The following USH2A variants were observed in gnomAD, a reference collection of about 807,000 sequenced individuals.
USH2A encodes the protein Usher syndrome 2A (autosomal recessive, mild).
In USH2A, 443 loss-of-function variants were observed where a neutral mutation model predicts 538.9. That is an observed-to-expected ratio of 0.82 (90% confidence interval 0.76 to 0.89). USH2A has a LOEUF of 0.89. USH2A is among the 40% of genes least tolerant of loss of function. The pLI, the probability that USH2A is intolerant of heterozygous loss-of-function variation, is 0.00. For missense variants in USH2A, 6,633 were observed against 6,324.8 expected (o/e 1.05, Z -1.65); for synonymous variants, 2,413 against 2,273.5 (o/e 1.06, Z -1.75).
intron 55 of USH2A, among the ~76,000 whole-genome samples, chr1:215,770,362 A>C (rs1661243675): frequency 6.6e-6 from 1 of 152,172 alleles, no homozygotes; most frequent in East Asian, 1.9e-4. Flanking sequence ...ATTAAAATTA[A>C]TATTATTTTA....
intron 21 of USH2A, among the ~76,000 whole-genome samples, chr1:216,134,925 C>T (rs1304776858): frequency 6.6e-6 from 1 of 151,976 alleles, no homozygotes; most frequent in East Asian, 1.9e-4. Flanking sequence ...AAGCATATGA[C>T]TCTAAATGAT....
intron 56 of USH2A, 47 bp from the exon 57 acceptor site, chr1:215,759,890 C>T (rs1252455305): frequency 1.2e-6 from 2 of 1,610,582 alleles, no homozygotes; most frequent in East Asian, 4.5e-5. Context: ...AGAAAATAAA[C>T]AGTGTATCAA....
At chr1:216,332,756 T>C (rs1162857064) in intron 4 of USH2A, among the ~76,000 whole-genome samples, 1 of 152,084 alleles carries the variant, frequency 6.6e-6, no homozygotes, top group East Asian at 1.9e-4. Flanking sequence ...TTATCACATA[T>C]GACAAAGAAA....
chr1:216,119,460 A>T (rs1359291), intron 21 of USH2A, among the ~76,000 whole-genome samples: 53,223 of 151,266 alleles, frequency 0.35, 10,314 homozygotes, highest in East Asian at 0.73. Context: ...TATGGTATAC[A>T]TAACAATATA....
At chr1:216,116,832 A>G (rs1456522197) in intron 21 of USH2A, among the ~76,000 whole-genome samples, 1 of 145,552 alleles carries the variant, frequency 6.9e-6, no homozygotes, top group East Asian at 1.9e-4. Context: ...TGACAGAAGG[A>G]AAAAAAAAGC....
At chr1:215,918,954 A>T (rs977661370) in intron 38 of USH2A, among the ~76,000 whole-genome samples, 3 of 152,040 alleles carry the variant, frequency 2.0e-5, no homozygotes, top group Admixed American at 6.6e-5. Flanking sequence ...TTATGAACCT[A>T]GGGGGATTTA....
At chr1:216,091,496 G>GT (rs1490646631) in intron 22 of USH2A, among the ~76,000 whole-genome samples, 1 of 152,132 alleles carries the variant, frequency 6.6e-6, no homozygotes, top group Non-Finnish European at 1.5e-5. Context: ...TTTCTTTATT[G>GT]TATCTTTTAA....
At chr1:215,627,429 C>CTTCCTTCCTTCCTTCTTTCCTTCCTTCT (rs1656080594) in intron 71 of USH2A, among the ~76,000 whole-genome samples, 16 of 84,018 alleles carry the variant, frequency 1.9e-4, no homozygotes, top group Admixed American at 2.3e-4. Context: ...TCCTTCCTTC[C>CTTCCTTCCTTCCTTCTTTCCTTCCTTCT]TTCCTTCCTT....
chr1:216,332,390 A>G (rs548000055), intron 4 of USH2A, among the ~76,000 whole-genome samples: 1 of 152,294 alleles, frequency 6.6e-6, no homozygotes, highest in Admixed American at 6.5e-5. Flanking sequence ...AAAATACTTA[A>G]AAGGAGAAGA....
intron 27 of USH2A, 59 bp downstream of exon 27, chr1:216,078,030 C>T: frequency 6.2e-7 from 1 of 1,609,572 alleles, no homozygotes; most frequent in South Asian, 1.1e-5. Context: ...CACAGAACCA[C>T]CAAAAACTGT....
At chr1:215,707,765 A>T (rs1210722170) in intron 61 of USH2A, among the ~76,000 whole-genome samples, 1 of 152,222 alleles carries the variant, frequency 6.6e-6, no homozygotes, top group East Asian at 1.9e-4. Context: ...GATTTTAGGA[A>T]CTGTAATCCA....
intron 55 of USH2A, among the ~76,000 whole-genome samples, chr1:215,778,099 T>C (rs11120626): frequency 0.12 from 17,988 of 151,284 alleles, 1,189 homozygotes; most frequent in Non-Finnish European, 0.13. Flanking sequence ...TTGCCCAGGC[T>C]GGAGTGCACT....
rs868490203 is a variant in USH2A at position 215,650,854 on chromosome 1, A to G, written c.14134-53T>C. 1,845 of 263,008 alleles carry G rather than the reference A, an allele frequency of 7.0e-3. 12 individuals carry two copies. The highest frequency in any genetic ancestry group is 0.042 in the African/African-American group (1,233 of 29,078). 16.3% of individuals were successfully genotyped at this position (263,008 alleles called of 1,614,324 possible). On this transcript the variant is annotated intron_variant, in intron 64 of 71. Coordinates refer to ENST00000307340, the MANE Select transcript of USH2A (RefSeq NM_206933.4). ...AAAAGCAAGATACCCTAAGGCTGGG[A>G]AAAAAAAAAAAAAAAGAAAGGAAAA...
intron 16 of USH2A, among the ~76,000 whole-genome samples, chr1:216,201,052 C>T (rs1375547742): frequency 4.3e-5 from 6 of 140,520 alleles, no homozygotes; most frequent in Non-Finnish European, 4.6e-5. Flanking sequence ...TTCCTTCCTT[C>T]CTTCCGACAG....
At chr1:215,785,289 T>G (rs1251913249) in intron 52 of USH2A, among the ~76,000 whole-genome samples, 1 of 152,036 alleles carries the variant, frequency 6.6e-6, no homozygotes, top group East Asian at 1.9e-4. Context: ...AGGCCTTGAG[T>G]AGGATGATAA....
At chr1:216,188,376 T>C (rs975286426) in intron 20 of USH2A, among the ~76,000 whole-genome samples, 1 of 151,768 alleles carries the variant, frequency 6.6e-6, no homozygotes, top group African/African-American at 2.4e-5. Flanking sequence ...CTTATATCTA[T>C]GAAAAGGCAG....
chr1:216,025,123 C>G (rs1458751709), intron 32 of USH2A, among the ~76,000 whole-genome samples: 2 of 151,822 alleles, frequency 1.3e-5, no homozygotes, highest in Non-Finnish European at 2.9e-5. Context: ...TTGTTGCCCT[C>G]TGATCTCAGT....
At chr1:215,903,719 C>T (rs573876562) in intron 38 of USH2A, among the ~76,000 whole-genome samples, 7 of 152,122 alleles carry the variant, frequency 4.6e-5, no homozygotes, top group Admixed American at 6.6e-5. Context: ...TTTGATGATG[C>T]GCAGTTTCTT....
At chr1:216,408,625 T>A (rs1334120109) in intron 3 of USH2A, among the ~76,000 whole-genome samples, 2 of 152,192 alleles carry the variant, frequency 1.3e-5, no homozygotes, top group Admixed American at 6.5e-5. Flanking sequence ...ATCTTTTCTC[T>A]TTCATTTGTT....
Sources: allele counts gnomAD v4.1 joint callset (sites outside exome capture counted in the v4.1 genomes callset), GRCh38; gene constraint gnomAD v4.1.1; transcripts MANE v1.5; gene names NCBI Gene and HGNC (gene_info 2026-07-23, HGNC 2026-07-21).